PTPRT: variants seen among roughly 807,000 people sequenced by gnomAD.
The protein encoded by PTPRT is protein tyrosine phosphatase receptor type T, also known as receptor-type tyrosine-protein phosphatase T.
A neutral mutation model predicts 176.8 loss-of-function variants in PTPRT; 56 were observed. The ratio of observed to expected loss-of-function variants is 0.32; its 90% CI spans 0.26 to 0.40. The LOEUF (loss-of-function observed/expected upper bound fraction) is 0.40. Ranked by LOEUF, PTPRT falls within the 10% of genes least tolerant of loss-of-function variation. PTPRT has a pLI of 1.00. For synonymous variants in PTPRT, 783 were observed against 739.0 expected (o/e 1.06, Z -0.96); for missense variants, 1,540 against 1,908.2 (o/e 0.81, Z 3.60).
At chr20:42,683,693 T>G (rs2075643943) in intron 6 of PTPRT, among the ~76,000 whole-genome samples, 3 of 152,356 alleles carry the variant, frequency 2.0e-5, no homozygotes, top group South Asian at 2.1e-4. Flanking sequence ...CTGATTAAAC[T>G]TTCTACGATT....
At chr20:43,022,400 C>T (rs1388178192) in intron 1 of PTPRT, among the ~76,000 whole-genome samples, 1 of 152,192 alleles carries the variant, frequency 6.6e-6, no homozygotes, top group Admixed American at 6.5e-5. Flanking sequence ...TGTGGCTTTT[C>T]CAGTCTCATC....
At chr20:42,668,858 A>ATTTT (rs755121515) in intron 7 of PTPRT, among the ~76,000 whole-genome samples, 33 of 81,286 alleles carry the variant, frequency 4.1e-4, no homozygotes, top group Non-Finnish European at 5.0e-4. Context: ...CGCCCAGCTA[A>ATTTT]TTTTTTTTTT....
At chr20:42,184,501 TTCC>T (rs754187865) in intron 16 of PTPRT, among the ~76,000 whole-genome samples, 1,856 of 85,002 alleles carry the variant, frequency 0.022, 32 homozygotes, top group Middle Eastern at 0.039. Flanking sequence ...TCCTCCCCCC[TTCC>T]TCCTCCTCCT....
chr20:42,840,000 C>T (rs6103062), intron 2 of PTPRT, among the ~76,000 whole-genome samples: 3,042 of 152,224 alleles, frequency 0.02, 92 homozygotes, highest in African/African-American at 0.066. Context: ...TCCTCAGCTG[C>T]CGTAACACAG....
intron 27 of PTPRT, among the ~76,000 whole-genome samples, chr20:42,095,623 C>T (rs73907096): frequency 0.015 from 2,311 of 152,342 alleles, 56 homozygotes; most frequent in African/African-American, 0.052. Flanking sequence ...TACTACCCTG[C>T]CTTCTTGTTT....
chr20:42,271,181 G>T (rs2056928175), intron 13 of PTPRT, among the ~76,000 whole-genome samples: 1 of 152,020 alleles, frequency 6.6e-6, no homozygotes, highest in Non-Finnish European at 1.5e-5. Context: ...CTCTGGTCTT[G>T]TCTCTCTTCA....
At chr20:42,169,792 A>ACACACACACACACACAC (rs781141603) in intron 16 of PTPRT, among the ~76,000 whole-genome samples, 3 of 95,354 alleles carry the variant, frequency 3.1e-5, no homozygotes, top group Non-Finnish European at 7.1e-5. Context: ...ACACACACAC[A>ACACACACACACACACAC]ACAGTCAGTA....
chr20:42,877,513 A>G (rs1228067278), intron 2 of PTPRT, among the ~76,000 whole-genome samples: 1 of 152,208 alleles, frequency 6.6e-6, no homozygotes, highest in African/African-American at 2.4e-5. Context: ...GTGATTACAC[A>G]GAAGGGGAAA....
chr20:42,354,307 C>T (rs6016759), intron 9 of PTPRT, among the ~76,000 whole-genome samples: 73,270 of 151,866 alleles, frequency 0.48, 18,637 homozygotes, highest in Non-Finnish European at 0.56. Flanking sequence ...CTATGAAACG[C>T]GCTTTTTTGT....
chr20:42,356,431 G>A (rs920001772), intron 9 of PTPRT, among the ~76,000 whole-genome samples: 9 of 152,156 alleles, frequency 5.9e-5, no homozygotes, highest in African/African-American at 9.6e-5. Context: ...ACAGTGGCTC[G>A]CACCTGTAAT....
chr20:42,859,536 T>G (rs1358679446), intron 2 of PTPRT, among the ~76,000 whole-genome samples: 1 of 152,150 alleles, frequency 6.6e-6, no homozygotes, highest in Non-Finnish European at 1.5e-5. Flanking sequence ...AATCATTTTT[T>G]GCACATATAA....
rs62204916 is a variant in PTPRT, at chr20:42,475,246, A to T, written c.1154-2684T>A. ...TGAGGTCCAGAAATGTGCAGGAATT[A>T]GTACAGAGTAGCAAGGCCAGCAGGT... On this transcript the variant is annotated intron_variant, in intron 7 of 30. Transcript: ENST00000373187. Among the ~76,000 whole-genome samples, 1,205 of 152,310 alleles carry T rather than the reference A, an allele frequency of 7.9e-3. 11 individuals are homozygous for T. Among genetic ancestry groups the T allele is most frequent in the Middle Eastern group, 0.014 (4 of 294 alleles).
At chr20:42,785,397 T>C (rs1049742697) in intron 3 of PTPRT, among the ~76,000 whole-genome samples, 16 of 152,236 alleles carry the variant, frequency 1.1e-4, no homozygotes, top group Non-Finnish European at 2.2e-4. Context: ...ATTTAGCCCA[T>C]AGAATCATAT....
At chr20:42,108,960 T>C (rs1376811595) in intron 23 of PTPRT, among the ~76,000 whole-genome samples, 1 of 152,230 alleles carries the variant, frequency 6.6e-6, no homozygotes, top group East Asian at 1.9e-4. Context: ...TCTTTCTCCC[T>C]AACCCTTGAT....
intron 9 of PTPRT, among the ~76,000 whole-genome samples, chr20:42,370,483 TA>T (rs1304679133): frequency 1.3e-5 from 2 of 152,150 alleles, no homozygotes; most frequent in Non-Finnish European, 2.9e-5. Context: ...TAGGAGCCCT[TA>T]CTCACTTCTT....
chr20:42,449,235 T>C (rs2070784322), intron 8 of PTPRT, among the ~76,000 whole-genome samples: 1 of 152,182 alleles, frequency 6.6e-6, no homozygotes, highest in African/African-American at 2.4e-5. Flanking sequence ...AGATGCATAA[T>C]AACTATTTGT....
chr20:42,627,464 G>A (rs2074314104), intron 7 of PTPRT, among the ~76,000 whole-genome samples: 1 of 151,886 alleles, frequency 6.6e-6, no homozygotes, highest in Admixed American at 6.6e-5. Context: ...TAGAGATGAG[G>A]TCTCACTGTG....
rs71335871 is a variant in PTPRT at position 42,717,181 on chromosome 20, TATAATAATAATA to T, written c.860-39034_860-39023del. 5.1e-3 allele frequency among the ~76,000 whole-genome samples: 742 copies of T among 146,438 alleles called. 7 individuals are homozygous for T. Among genetic ancestry groups the T allele is most frequent in the African/African-American group, 0.017 (673 of 40,234 alleles). On this transcript the variant is annotated intron_variant, in intron 6 of 30. Transcript: ENST00000373187. Reference sequence around the variant, plus strand: ...TGCACATGTACCCTAAAACTTAAAGTATAATAATAATAATAATAATAATAATAATAATAAAAG... The same window carrying T: ...TGCACATGTACCCTAAAACTTAAAGTATAATAATAATAATAATAATAAAAG...
intron 5 of PTPRT, among the ~76,000 whole-genome samples, chr20:42,758,620 A>T (rs1158830237): frequency 6.6e-6 from 1 of 152,190 alleles, no homozygotes; most frequent in Non-Finnish European, 1.5e-5. Flanking sequence ...ACATAAAAAA[A>T]AATGGTATTG....
Sources: allele counts gnomAD v4.1 joint callset (sites outside exome capture counted in the v4.1 genomes callset), GRCh38; gene constraint gnomAD v4.1.1; transcripts MANE v1.5; gene names NCBI Gene and HGNC (gene_info 2026-07-23, HGNC 2026-07-21).